The following RBFOX1 variants were observed in gnomAD, a reference collection of about 807,000 sequenced individuals.
RBFOX1 encodes the protein RNA binding protein fox-1 homolog 1.
In RBFOX1, 8 loss-of-function variants were observed where a neutral mutation model predicts 57.7. The ratio of observed to expected loss-of-function variants is 0.14; its 90% CI spans 0.08 to 0.25. The LOEUF (loss-of-function observed/expected upper bound fraction) is 0.25. Ranked by LOEUF, RBFOX1 falls within the 10% of genes least tolerant of loss-of-function variation. The probability of loss-of-function intolerance (pLI) is 1.00; values close to 1 mark genes in which losing one functional copy is unlikely to be tolerated. For synonymous variants in RBFOX1, 326 were observed against 222.4 expected, an observed-to-expected ratio of 1.47 and a Z score of -4.15; for missense variants, 611 against 548.5, an observed-to-expected ratio of 1.11 and a Z score of -1.14.
At chr16:6,297,544 T>C (rs1042007380) in intron 1 of RBFOX1, among the ~76,000 whole-genome samples, 42 of 152,108 alleles carry the variant, frequency 2.8e-4, no homozygotes, top group African/African-American at 9.7e-4. Flanking sequence ...TAGTGGTGAT[T>C]TGTACAGTAG....
In RBFOX1 at chr16:6,515,438, A is replaced by G. The variant is rs56180118; in HGVS notation, c.-63-139165A>G. ...TAGAGTCCTCCCATTTTGGTCCTGG[A>G]CATATTTTTCTTAGAATCTAAGACA... is the stretch of plus-strand genomic sequence containing the variant. On this transcript the variant is annotated intron_variant, in intron 2 of 15. Transcript: ENST00000550418. 3.5e-3 allele frequency among the ~76,000 whole-genome samples: 531 copies of G among 152,308 alleles called. 4 individuals are homozygous for G. Among genetic ancestry groups the G allele is most frequent in the African/African-American group, 0.012 (499 of 41,572 alleles).
intron 2 of RBFOX1, among the ~76,000 whole-genome samples, chr16:6,477,263 G>A (rs2095288320): frequency 6.6e-6 from 1 of 152,148 alleles, no homozygotes; most frequent in Admixed American, 6.5e-5. Context: ...ACTTTGCCCA[G>A]AACCATCAGA....
intron 4 of RBFOX1, among the ~76,000 whole-genome samples, chr16:5,969,325 G>GTTTTTTTTTTTTTTTTTTTTTTTTT (rs1392384342): frequency 1.2e-4 from 15 of 120,648 alleles, no homozygotes; most frequent in Non-Finnish European, 1.3e-4. Context: ...TTTTTTTTTG[G>GTTTTTTTTTTTTTTTTTTTTTTTTT]TTTGGAAATG....
At chr16:6,637,545 C>A (rs1471362860) in intron 2 of RBFOX1, among the ~76,000 whole-genome samples, 3 of 108,028 alleles carry the variant, frequency 2.8e-5, no homozygotes, top group African/African-American at 3.6e-5. Context: ...TATATACAAT[C>A]TGCATAGTAT....
intron 3 of RBFOX1, among the ~76,000 whole-genome samples, chr16:6,912,433 T>G (rs969318738): frequency 1.3e-5 from 2 of 152,144 alleles, no homozygotes; most frequent in East Asian, 1.9e-4. Flanking sequence ...CTGTTCTCTG[T>G]GAGTAAAGAT....
At chr16:6,106,998 C>T (rs1252235775) in intron 1 of RBFOX1, among the ~76,000 whole-genome samples, 6 of 152,178 alleles carry the variant, frequency 3.9e-5, no homozygotes, top group Non-Finnish European at 7.3e-5. Context: ...AAAATTCCTG[C>T]AGTCACTCTG....
intron 4 of RBFOX1, among the ~76,000 whole-genome samples, chr16:7,091,886 C>G (rs1459466397): frequency 6.6e-6 from 1 of 152,212 alleles, no homozygotes; most frequent in African/African-American, 2.4e-5. Flanking sequence ...TATAGAGTTG[C>G]TTTATTGTCT....
At chr16:5,371,490 C>T (rs1287316957) in intron 1 of RBFOX1, among the ~76,000 whole-genome samples, 1 of 152,188 alleles carries the variant, frequency 6.6e-6, no homozygotes, top group African/African-American at 2.4e-5. Context: ...CAGGACTGTG[C>T]AACACAAATC....
At chr16:6,162,832 C>G (rs1277809452) in intron 1 of RBFOX1, among the ~76,000 whole-genome samples, 1 of 152,268 alleles carries the variant, frequency 6.6e-6, no homozygotes, top group East Asian at 1.9e-4. Flanking sequence ...CTCCCAGGTT[C>G]AAGCAATTCT....
intron 1 of RBFOX1, among the ~76,000 whole-genome samples, chr16:6,259,755 C>T (rs762741413): frequency 1.2e-4 from 18 of 152,050 alleles, no homozygotes; most frequent in Admixed American, 7.9e-4. Flanking sequence ...GTCAGGAGTT[C>T]GAGACCAGCC....
intron 3 of RBFOX1, among the ~76,000 whole-genome samples, chr16:6,900,690 T>G (rs370076450): frequency 1.2e-4 from 18 of 152,326 alleles, no homozygotes; most frequent in South Asian, 2.1e-4. Flanking sequence ...ATTCTTCTGG[T>G]CTCAGAATCT....
At chr16:5,705,730 AG>A (rs2051220672) in intron 3 of RBFOX1, among the ~76,000 whole-genome samples, 1 of 152,164 alleles carries the variant, frequency 6.6e-6, no homozygotes, top group Non-Finnish European at 1.5e-5. Context: ...ATGGAAGCAA[AG>A]CAGGTGGGCT....
chr16:7,395,817 C>G (rs1597372880), intron 4 of RBFOX1, among the ~76,000 whole-genome samples: 1 of 152,092 alleles, frequency 6.6e-6, no homozygotes, highest in African/African-American at 2.4e-5. Flanking sequence ...ATTTTTGTTT[C>G]CTGCGGGTGA....
Position 7,225,485 on chromosome 16 carries a change from G to A in RBFOX1, c.27+173387G>A, listed in dbSNP as rs754027685. Among the ~76,000 whole-genome samples, 4 of 152,054 alleles carry A rather than the reference G, an allele frequency of 2.6e-5. No individual in the cohort carries two copies. In the South Asian group the frequency reaches 6.2e-4, roughly 24 times the overall value. On this transcript the variant is annotated intron_variant, in intron 4 of 15. Coordinates refer to ENST00000550418, the MANE Select transcript of RBFOX1 (RefSeq NM_018723.4). ...ATGATTGTGAGGCCTCCCCAGCCAC[G>A]TATAACTGTAAGTCCATTAAATCTA...
chr16:7,029,183 TATATATACAC>T (rs2042065235), intron 3 of RBFOX1, among the ~76,000 whole-genome samples: 1 of 59,380 alleles, frequency 1.7e-5, no homozygotes, highest in South Asian at 9.6e-4. Flanking sequence ...CGTATACGTG[TATATATACAC>T]ATATGTATAC....
intron 1 of RBFOX1, among the ~76,000 whole-genome samples, chr16:5,279,174 T>A (rs1159003775): frequency 3.3e-5 from 5 of 152,142 alleles, no homozygotes; most frequent in Non-Finnish European, 1.5e-5. Flanking sequence ...CTTCGGGTAG[T>A]ATGGTCATTT....
Position 7,086,721 on chromosome 16 carries a change from T to TACACACACACACACACACAGACACAC in RBFOX1, c.27+34642_27+34643insGACACACACACACACACACACACACA, listed in dbSNP as rs1555460280. ...GCAAAGAGAGGGAGGGAAGAATGTA[T>TACACACACACACACACACAGACACAC]ACACACACACACACACACACTTTAA... is the stretch of plus-strand genomic sequence containing the variant. On this transcript the variant is annotated intron_variant, in intron 4 of 15. Transcript: ENST00000550418. Among the ~76,000 whole-genome samples, 71 of 149,582 alleles carry TACACACACACACACACACAGACACAC rather than the reference T, an allele frequency of 4.7e-4. 1 individual carries two copies. The highest frequency in any genetic ancestry group is 1.7e-3 in the South Asian group (8 of 4,714).
intron 4 of RBFOX1, among the ~76,000 whole-genome samples, chr16:5,932,687 A>T (rs957131790): frequency 2.0e-5 from 3 of 152,214 alleles, no homozygotes; most frequent in Non-Finnish European, 4.4e-5. Context: ...TGTCATGGAA[A>T]ATCCACCACT....
chr16:5,507,554 G>T (rs1220612409), intron 2 of RBFOX1, among the ~76,000 whole-genome samples: 1 of 152,190 alleles, frequency 6.6e-6, no homozygotes, highest in Admixed American at 6.5e-5. Context: ...GGGTTGAATT[G>T]TGTCCCCCAC....
Sources: allele counts gnomAD v4.1 joint callset (sites outside exome capture counted in the v4.1 genomes callset), GRCh38; gene constraint gnomAD v4.1.1; transcripts MANE v1.5; gene names NCBI Gene and HGNC (gene_info 2026-07-23, HGNC 2026-07-21).